The following NPAS2 variants were observed in gnomAD, a reference collection of about 807,000 sequenced individuals.
The protein encoded by NPAS2 is neuronal PAS domain-containing protein 2.
Under a neutral mutation model 107.5 loss-of-function variants are expected in NPAS2, and 23 were observed. That is an observed-to-expected ratio of 0.21 (90% CI 0.15 to 0.30). NPAS2 has a LOEUF of 0.30. Among genes scored for constraint, NPAS2 ranks in the 10% least tolerant of loss-of-function variants. The probability of loss-of-function intolerance (pLI) is 1.00; values close to 1 mark genes in which losing one functional copy is unlikely to be tolerated. For missense variants in NPAS2, 756 were observed against 1,043.3 expected (o/e 0.72, Z 3.79); for synonymous variants, 403 against 417.5 (o/e 0.97, Z 0.42).
intron 1 of NPAS2, among the ~76,000 whole-genome samples, chr2:100,894,059 G>A (rs1011169284): frequency 2.6e-5 from 4 of 152,214 alleles, no homozygotes; most frequent in Non-Finnish European, 5.9e-5. Flanking sequence ...ACCCAGGGCG[G>A]ATATGCCGTG....
chr2:100,832,092 C>A (rs1026205033), intron 1 of NPAS2, among the ~76,000 whole-genome samples: 3 of 152,092 alleles, frequency 2.0e-5, no homozygotes, highest in African/African-American at 7.2e-5. Context: ...ATTCTCATGA[C>A]CAAGCTGGGC....
At chr2:100,840,978 A>G (rs989270407) in intron 1 of NPAS2, among the ~76,000 whole-genome samples, 1 of 152,078 alleles carries the variant, frequency 6.6e-6, no homozygotes, top group African/African-American at 2.4e-5. Flanking sequence ...CAACTTAGGA[A>G]AGTGGCTTCA....
chr2:100,852,224 G>C (rs547757813), intron 1 of NPAS2, among the ~76,000 whole-genome samples: 221 of 151,886 alleles, frequency 1.5e-3, no homozygotes, highest in African/African-American at 5.2e-3. Context: ...GTGAAACCCC[G>C]TCTCTCCTAA....
rs1680909462 is a variant in NPAS2 at position 100,889,323 on chromosome 2, C to CT, written c.-22-15409dup. Among the ~76,000 whole-genome samples, 2 of 152,240 alleles carry CT rather than the reference C, an allele frequency of 1.3e-5. 1 individual carries two copies. The highest frequency in any genetic ancestry group is 4.1e-4 in the South Asian group (2 of 4,832). On this transcript the variant is annotated intron_variant, in intron 1 of 20. Coordinates refer to ENST00000335681, the MANE Select transcript of NPAS2 (RefSeq NM_002518.4). Reference sequence around the variant, plus strand: ...GGCCCTACATTGCCTAAGCCCCTCACTAGGGAGAGCTGTAAGCTCTTGGGA... The same window carrying CT: ...GGCCCTACATTGCCTAAGCCCCTCACTTAGGGAGAGCTGTAAGCTCTTGGGA...
chr2:100,849,209 C>G (rs1677988934), intron 1 of NPAS2, among the ~76,000 whole-genome samples: 1 of 152,224 alleles, frequency 6.6e-6, no homozygotes, highest in South Asian at 2.1e-4. Context: ...TCAGCTCTCT[C>G]TTCTCTGGTT....
intron 20 of NPAS2, chr2:100,993,744 A>C: frequency 2.3e-6 from 1 of 431,120 alleles, no homozygotes; most frequent in East Asian, 3.5e-5. Context: ...GTCGGCTATT[A>C]TGCCTTATGT....
chr2:100,937,669 C>A, intron 4 of NPAS2, 84 bp from the exon 5 acceptor site: 1 of 954,694 alleles, frequency 1.0e-6, no homozygotes, highest in South Asian at 1.3e-5. Context: ...AAGCCAGTGT[C>A]CTAAAATAGT....
At chr2:100,853,670 T>C (rs896971848) in intron 1 of NPAS2, among the ~76,000 whole-genome samples, 1 of 152,184 alleles carries the variant, frequency 6.6e-6, no homozygotes, top group South Asian at 2.1e-4. Context: ...ACCCTTCTGC[T>C]TCTCAAGGCA....
chr2:100,878,539 A>G (rs1680129598), intron 1 of NPAS2: 2 of 985,338 alleles, frequency 2.0e-6, no homozygotes, highest in African/African-American at 1.7e-5. Flanking sequence ...CTTCTAAAGG[A>G]ACACCTGGTT....
At chr2:100,931,775 C>T (rs552898593) in intron 3 of NPAS2, among the ~76,000 whole-genome samples, 115 of 152,230 alleles carry the variant, frequency 7.6e-4, no homozygotes, top group African/African-American at 2.6e-3. Context: ...TGAGCCACCG[C>T]GCCCGGCCAT....
At chr2:100,981,181 G>A (rs1677414707) in intron 15 of NPAS2, among the ~76,000 whole-genome samples, 1 of 152,172 alleles carries the variant, frequency 6.6e-6, no homozygotes, top group African/African-American at 2.4e-5. Flanking sequence ...CCCTGTGTCT[G>A]GGAGGTCAAA....
At chr2:100,982,779 CTGT>C (rs1319278047) in intron 16 of NPAS2, 1 of 198,392 alleles carries the variant, frequency 5.0e-6, no homozygotes, top group Non-Finnish European at 1.0e-5. Flanking sequence ...GGAAGCAGCT[CTGT>C]TGTTTCTCAT....
intron 5 of NPAS2, among the ~76,000 whole-genome samples, chr2:100,946,084 C>T (rs1231248652): frequency 6.6e-6 from 1 of 152,216 alleles, no homozygotes; most frequent in African/African-American, 2.4e-5. Context: ...GGTGCAGGTG[C>T]CCTTGTAGTC....
intron 12 of NPAS2, among the ~76,000 whole-genome samples, chr2:100,971,919 A>G (rs1167720147): frequency 6.6e-6 from 1 of 150,854 alleles, no homozygotes; most frequent in South Asian, 2.1e-4. Flanking sequence ...GAAGGTGTCA[A>G]CTGGAAGATC....
intron 4 of NPAS2, among the ~76,000 whole-genome samples, chr2:100,935,296 CA>C (rs1307175235): frequency 6.6e-6 from 1 of 152,186 alleles, no homozygotes; most frequent in African/African-American, 2.4e-5. Context: ...CCAAGGAACA[CA>C]AGAAATGTTC....
intron 1 of NPAS2, among the ~76,000 whole-genome samples, chr2:100,842,258 A>G (rs1573442258): frequency 6.6e-6 from 1 of 152,154 alleles, no homozygotes. Flanking sequence ...TATTTTATTT[A>G]TACTTTAAAA....
intron 1 of NPAS2, among the ~76,000 whole-genome samples, chr2:100,850,261 C>T (rs1284685875): frequency 6.6e-6 from 1 of 152,050 alleles, no homozygotes; most frequent in African/African-American, 2.4e-5. Context: ...ATACTATAAT[C>T]GAGTTCTCAT....
At chr2:100,933,032 G>C in intron 4 of NPAS2, 31 bp downstream of exon 4, 1 of 1,508,490 alleles carries the variant, frequency 6.6e-7, no homozygotes, top group Non-Finnish European at 9.2e-7. Flanking sequence ...AGCTTAAACA[G>C]TTGCCAGTTA....
intron 1 of NPAS2, among the ~76,000 whole-genome samples, chr2:100,876,118 A>T (rs1679951531): frequency 6.6e-6 from 1 of 152,136 alleles, no homozygotes; most frequent in African/African-American, 2.4e-5. Flanking sequence ...GCCTTCTCAG[A>T]GGCAGCTGAC....
Sources: gnomAD v4.1 joint callset for allele counts (sites outside exome capture counted in the v4.1 genomes callset) on GRCh38, gnomAD v4.1.1 for gene constraint, MANE v1.5 for transcripts, NCBI Gene and HGNC (gene_info 2026-07-23, HGNC 2026-07-21) for gene names.